The following NGEF variants were observed in gnomAD, a reference collection of about 807,000 sequenced individuals.
The protein encoded by NGEF is ephexin-1.
Under a neutral mutation model 80.9 loss-of-function variants are expected in NGEF, and 31 were observed. The ratio of observed to expected loss-of-function variants is 0.38; its 90% CI spans 0.29 to 0.52. The LOEUF is 0.52. Among genes scored for constraint, NGEF ranks in the 20% least tolerant of loss-of-function variants. The probability of loss-of-function intolerance (pLI) is 0.84; values close to 1 mark genes in which losing one functional copy is unlikely to be tolerated. For missense variants in NGEF, 709 were observed against 926.2 expected, an observed-to-expected ratio of 0.77 and a Z score of 3.04; for synonymous variants, 371 against 370.2, an observed-to-expected ratio of 1.00 and a Z score of -0.03.
intron 3 of NGEF, among the ~76,000 whole-genome samples, chr2:232,942,065 A>G (rs1693448197): frequency 6.6e-6 from 1 of 151,940 alleles, no homozygotes; most frequent in Non-Finnish European, 1.5e-5. Flanking sequence ...CACCACCTCC[A>G]CTCAAAGGCA....
intron 1 of NGEF, among the ~76,000 whole-genome samples, chr2:232,983,153 T>A (rs529790562): frequency 6.6e-6 from 1 of 152,166 alleles, no homozygotes; most frequent in African/African-American, 2.4e-5. Flanking sequence ...TGGAAAAATC[T>A]TAAGTGGAAA....
At chr2:232,890,801 C>T (rs1465494618) in intron 8 of NGEF, 14 of 415,630 alleles carry the variant, frequency 3.4e-5, no homozygotes, top group Admixed American at 1.0e-4. Context: ...AAAGTGGGTC[C>T]GATCAGGTGA....
At chr2:232,936,447 C>T (rs1405316560) in intron 3 of NGEF, among the ~76,000 whole-genome samples, 2 of 152,214 alleles carry the variant, frequency 1.3e-5, no homozygotes, top group African/African-American at 4.8e-5. Flanking sequence ...GAGGCTCTTT[C>T]CTTACCCAGG....
intron 1 of NGEF, among the ~76,000 whole-genome samples, chr2:233,008,398 C>A (rs529294264): frequency 5.3e-5 from 8 of 152,198 alleles, no homozygotes; most frequent in Non-Finnish European, 1.2e-4. Context: ...GCATGAGGTA[C>A]TCTCCAGGGA....
chr2:232,935,359 T>C (rs957300905), intron 3 of NGEF, among the ~76,000 whole-genome samples: 16 of 152,248 alleles, frequency 1.1e-4, no homozygotes, highest in African/African-American at 3.6e-4. Flanking sequence ...GGCTCACGCC[T>C]GTTATCCCAG....
intron 2 of NGEF, 146 bp downstream of exon 2, chr2:232,974,477 T>C (rs1694250133): frequency 6.1e-6 from 6 of 980,602 alleles, no homozygotes; most frequent in East Asian, 2.4e-5. Context: ...CTTTAGATAA[T>C]GGTTTTAAAA....
chr2:232,993,116 T>C (rs747192304), intron 1 of NGEF, among the ~76,000 whole-genome samples: 5 of 78,512 alleles, frequency 6.4e-5, no homozygotes, highest in African/African-American at 3.2e-4. Flanking sequence ...AATATATATA[T>C]ATAAATAAAT....
At chr2:232,984,855 G>T (rs1035861901) in intron 1 of NGEF, among the ~76,000 whole-genome samples, 3 of 152,236 alleles carry the variant, frequency 2.0e-5, no homozygotes, top group Admixed American at 6.5e-5. Context: ...GAACCAAAGG[G>T]CTCGGAGCGT....
intron 3 of NGEF, 127 bp downstream of exon 3, chr2:232,970,087 C>A: frequency 4.5e-6 from 2 of 445,088 alleles, no homozygotes; most frequent in Non-Finnish European, 7.8e-6. Context: ...TTTTTTAGCA[C>A]GGGCAACCAA....
intron 1 of NGEF, among the ~76,000 whole-genome samples, chr2:232,975,868 C>T (rs1694280884): frequency 6.6e-6 from 1 of 152,128 alleles, no homozygotes; most frequent in African/African-American, 2.4e-5. Context: ...TGAGCATATA[C>T]ATTTTTCTGG....
chr2:232,944,726 AATATATATATATAT>A (rs57851903), intron 3 of NGEF, among the ~76,000 whole-genome samples: 22,026 of 108,738 alleles, frequency 0.2, 2,718 homozygotes, highest in East Asian at 0.45. Context: ...GACTTTTCCG[AATATATATATATAT>A]ATATATATAT....
intron 1 of NGEF, among the ~76,000 whole-genome samples, chr2:232,991,408 A>G (rs1156639248): frequency 6.6e-6 from 1 of 152,118 alleles, no homozygotes; most frequent in South Asian, 2.1e-4. Context: ...GTTTCAGAAT[A>G]CAAGATCAAT....
chr2:232,968,032 T>C (rs1352997893), intron 3 of NGEF, among the ~76,000 whole-genome samples: 1 of 151,580 alleles, frequency 6.6e-6, no homozygotes, highest in African/African-American at 2.4e-5. Flanking sequence ...CTTCCCTGTA[T>C]CCACTGTCCC....
At chr2:232,962,391 C>T (rs1305131447) in intron 3 of NGEF, among the ~76,000 whole-genome samples, 1 of 149,772 alleles carries the variant, frequency 6.7e-6, no homozygotes, top group East Asian at 1.9e-4. Context: ...ACAACAACAA[C>T]AACAAAAATT....
chr2:232,905,882 C>G (rs1209487711), intron 5 of NGEF: 1 of 190,512 alleles, frequency 5.2e-6, no homozygotes, highest in Non-Finnish European at 1.1e-5. Context: ...CCGCCCCGTC[C>G]GGGAGGGAGG....
intron 10 of NGEF, 35 bp from the exon 11 acceptor site, chr2:232,884,179 C>T (rs754060457): frequency 1.9e-5 from 30 of 1,539,426 alleles, no homozygotes; most frequent in Non-Finnish European, 2.6e-5. Flanking sequence ...CAGGCTGTGC[C>T]CACAATGTCC....
chr2:233,009,659 C>A (rs1281150517), intron 1 of NGEF, among the ~76,000 whole-genome samples: 2 of 151,686 alleles, frequency 1.3e-5, no homozygotes, highest in East Asian at 3.9e-4. Flanking sequence ...AAGTAAAACT[C>A]CTGGATGATT....
chr2:232,961,329 G>T (rs1693947655), intron 3 of NGEF, among the ~76,000 whole-genome samples: 1 of 152,052 alleles, frequency 6.6e-6, no homozygotes. Flanking sequence ...CACTATATAT[G>T]TTTGGGGTTG....
At chr2:232,918,309 C>T (rs993324333) in intron 5 of NGEF, among the ~76,000 whole-genome samples, 1 of 152,090 alleles carries the variant, frequency 6.6e-6, no homozygotes, top group African/African-American at 2.4e-5. Flanking sequence ...CCATGTTGGC[C>T]AGGGTGGTCT....
Sources: allele counts gnomAD v4.1 joint callset (sites outside exome capture counted in the v4.1 genomes callset), GRCh38; gene constraint gnomAD v4.1.1; transcripts MANE v1.5; gene names NCBI Gene and HGNC (gene_info 2026-07-23, HGNC 2026-07-21).